WDR48: variants seen among roughly 807,000 people sequenced by gnomAD.
The protein encoded by WDR48 is WD repeat-containing protein 48.
WDR48 carries 22 observed loss-of-function variants against 94.0 expected under a neutral mutation model. The observed-to-expected ratio is 0.23, with a 90% confidence interval of 0.17 to 0.33. The LOEUF is 0.33. Ranked by LOEUF, WDR48 falls within the 10% of genes least tolerant of loss-of-function variation. WDR48 has a pLI of 1.00. For missense variants in WDR48, 541 were observed against 813.8 expected, an observed-to-expected ratio of 0.66 and a Z score of 4.08; for synonymous variants, 278 against 280.5, an observed-to-expected ratio of 0.99 and a Z score of 0.09.
At chr3:39,090,425 A>G (rs1290096265) in intron 16 of WDR48, 1 of 152,204 alleles carries the variant, frequency 6.6e-6, no homozygotes, top group East Asian at 1.9e-4. Flanking sequence ...GAAAAGTTTT[A>G]CTTTTTATAT....
chr3:39,064,564 C>T lies in WDR48; in HGVS notation c.190-1247C>T, dbSNP rs563315043. ...TGCTGGTATTACAGGCGTGAGCCAC[C>T]GCGCCTGGCCAGATCCATTTTCATA... is the stretch of plus-strand genomic sequence containing the variant. On this transcript the variant is annotated intron_variant, in intron 2 of 18. Transcript: ENST00000302313. Among the ~76,000 whole-genome samples the T allele has an allele frequency of 1.7e-4, 26 of 152,264 alleles. 1 individual carries two copies. Among genetic ancestry groups the T allele is most frequent in the Middle Eastern group, 6.8e-3 (2 of 294 alleles).
chr3:39,054,814 C>A (rs1275903298), intron 1 of WDR48, among the ~76,000 whole-genome samples: 1 of 151,418 alleles, frequency 6.6e-6, no homozygotes, highest in Non-Finnish European at 1.5e-5. Flanking sequence ...CCAGGGAGGC[C>A]TCAAAGAGAG....
chr3:39,082,584 G>C (rs2034595499), intron 11 of WDR48, among the ~76,000 whole-genome samples: 1 of 152,108 alleles, frequency 6.6e-6, no homozygotes, highest in South Asian at 2.1e-4. Context: ...CTGCCCACAG[G>C]AGTGATACTT....
chr3:39,093,790 T>G (rs2035207672), intron 17 of WDR48, 84 bp from the exon 18 acceptor site: 2 of 1,308,092 alleles, frequency 1.5e-6, no homozygotes, highest in Non-Finnish European at 2.0e-6. Context: ...ATCTTTAAAA[T>G]GTTTGCATCA....
At chr3:39,091,729 A>T in intron 17 of WDR48, 28 bp downstream of exon 17, 1 of 1,537,390 alleles carries the variant, frequency 6.5e-7, no homozygotes, top group East Asian at 2.3e-5. Context: ...TTCTTGATCT[A>T]ATTAACTACT....
intron 7 of WDR48, among the ~76,000 whole-genome samples, chr3:39,072,945 G>A (rs1180541230): frequency 6.6e-6 from 1 of 152,180 alleles, no homozygotes; most frequent in Non-Finnish European, 1.5e-5. Context: ...TTCTATATCA[G>A]GGTTGATAAA....
intron 11 of WDR48, among the ~76,000 whole-genome samples, chr3:39,083,885 C>T (rs924709305): frequency 6.6e-6 from 1 of 152,136 alleles, no homozygotes; most frequent in African/African-American, 2.4e-5. Context: ...TCGAAAGAGC[C>T]ACGTTGCTGT....
intron 8 of WDR48, among the ~76,000 whole-genome samples, chr3:39,075,677 C>T (rs1344619156): frequency 1.3e-5 from 2 of 151,974 alleles, no homozygotes; most frequent in Non-Finnish European, 2.9e-5. Flanking sequence ...ATTAAAACAA[C>T]AGTGAAGAAG....
rs754974801 is a variant in WDR48, at chr3:39,094,734, G to A, written c.2025G>A (p.Lys675=). 2 of 1,613,980 alleles carry A rather than the reference G, an allele frequency of 1.2e-6. No individual in the cohort carries two copies. The highest frequency in any genetic ancestry group is 3.3e-5 in the Admixed American group (2 of 60,010). The part of the protein sequence containing the change: ...GGDLTLHYRQ[K]ST Reference sequence around the variant, plus strand: ...ACCTCACCCTCCATTACCGTCAGAAGTCCACGTGAAGGCTGGGCTAATGCT... The same window carrying A: ...ACCTCACCCTCCATTACCGTCAGAAATCCACGTGAAGGCTGGGCTAATGCT... The change falls in exon 19 of 19, where the codon AAG becomes AAA. Residue 675 remains lysine (K), a synonymous_variant. Transcript: ENST00000302313.
intron 10 of WDR48, 36 bp from the exon 11 acceptor site, chr3:39,079,673 AAG>A (rs755004225): frequency 7.2e-7 from 1 of 1,383,870 alleles, no homozygotes; most frequent in Non-Finnish European, 9.9e-7. Flanking sequence ...TAAATGTAGA[AAG>A]ATTGTTTTAC....
Position 39,095,522 on chromosome 3 carries a change from T to C in WDR48, c.*779T>C, listed in dbSNP as rs1189305250. 2 of 152,194 alleles carry C rather than the reference T, an allele frequency of 1.3e-5. No individual in the cohort carries two copies. Among genetic ancestry groups the C allele is most frequent in the Non-Finnish European group, 2.9e-5 (2 of 68,030 alleles). 9.4% of individuals were successfully genotyped at this position (152,194 alleles called of 1,614,324 possible). A position where few individuals can be genotyped will look rare whatever the true frequency, so the allele number is the denominator to read the frequency against. On this transcript the variant is annotated 3_prime_UTR_variant, in exon 19 of 19. Coordinates refer to ENST00000302313, the MANE Select transcript of WDR48 (RefSeq NM_020839.4). ...CCTTCCTCCACTGTGTCCAGTTTTATTTACACAAAGCGAGCTGAGACCACA... is the reference window on the plus strand; with the variant it reads ...CCTTCCTCCACTGTGTCCAGTTTTACTTACACAAAGCGAGCTGAGACCACA...
rs28459556 is a variant in WDR48 at position 39,052,175 on chromosome 3, T to A, written c.48+102T>A. On this transcript the variant is annotated intron_variant, in intron 1 of 18. Transcript: ENST00000302313. ...GCCACGACCAGCTGGGGTAGCGGCA[T>A]GGGGCGAACGGGGCGGGGCGCGGCC... 20,795 of 1,459,526 alleles carry A rather than the reference T, an allele frequency of 0.014. 2,051 individuals carry two copies. The African/African-American group carries it at 0.23, about 16-fold the overall frequency. 90.4% of individuals were successfully genotyped at this position (1,459,526 alleles called of 1,614,324 possible). A position where few individuals can be genotyped will look rare whatever the true frequency, so the allele number is the denominator to read the frequency against.
At chr3:39,065,458 T>G (rs1180256418) in intron 2 of WDR48, among the ~76,000 whole-genome samples, 2 of 152,246 alleles carry the variant, frequency 1.3e-5, no homozygotes, top group Admixed American at 1.3e-4. Context: ...AGCCTACAGA[T>G]TCCTACAAGT....
At chr3:39,086,935 G>T (rs1020001368) in intron 14 of WDR48, among the ~76,000 whole-genome samples, 3 of 152,148 alleles carry the variant, frequency 2.0e-5, no homozygotes, top group Non-Finnish European at 2.9e-5. Flanking sequence ...AGCATACTCA[G>T]TGGACACTCT....
intron 8 of WDR48, among the ~76,000 whole-genome samples, chr3:39,075,917 C>T (rs558019384): frequency 2.9e-4 from 44 of 152,084 alleles, no homozygotes; most frequent in Admixed American, 2.3e-3. Flanking sequence ...AGGATGGTAT[C>T]GATCTCCTGA....
chr3:39,066,594 C>T lies in WDR48; in HGVS notation c.315C>T (p.His105=). Residue 105 remains histidine (H), a synonymous_variant, in exon 4 of 19, where the codon CAC becomes CAT. Transcript: ENST00000302313. ...CGACAGTAAAAGTATGGAATGCACA[C>T]AAGGGATTTTGCATGTCAACATTAA... ...SDTTVKVWNA[H]KGFCMSTLRT... The T allele has an allele frequency of 6.2e-7, 1 of 1,613,808 alleles. No homozygotes were observed. Among genetic ancestry groups the T allele is most frequent in the Non-Finnish European group, 8.5e-7 (1 of 1,179,900 alleles).
chr3:39,079,658 G>A lies in WDR48; in HGVS notation c.1076-53G>A, dbSNP rs1414681846. 8 of 1,291,844 alleles carry A rather than the reference G, an allele frequency of 6.2e-6. No homozygotes were observed. The African/African-American group carries it at 6.2e-5, about 10-fold the overall frequency. The allele number at this position is 1,291,844 out of a possible 1,614,324, so 80.0% of individuals were successfully genotyped here. On this transcript the variant is annotated intron_variant, in intron 10 of 18. Transcript: ENST00000302313. ...CAGTTAACAATTGTTACCACACCAT[G>A]AATTTAAATGTAGAAAGATTGTTTT...
chr3:39,078,886 T>C (rs546561126), intron 10 of WDR48, among the ~76,000 whole-genome samples: 40 of 151,706 alleles, frequency 2.6e-4, no homozygotes, highest in Admixed American at 1.9e-3. Flanking sequence ...AAAAATTAGC[T>C]GGGCGTAGTG....
intron 3 of WDR48, 66 bp from the exon 4 acceptor site, chr3:39,066,482 T>A: frequency 3.0e-6 from 4 of 1,320,056 alleles, no homozygotes; most frequent in Non-Finnish European, 4.3e-6. Context: ...TACATTGTTG[T>A]AAGATAAGTT....
Sources: gnomAD v4.1 joint callset for allele counts (sites outside exome capture counted in the v4.1 genomes callset) on GRCh38, gnomAD v4.1.1 for gene constraint, MANE v1.5 for transcripts, NCBI Gene and HGNC (gene_info 2026-07-23, HGNC 2026-07-21) for gene names.